Variants in DCDC2C observed in about 807,000 individuals in gnomAD.
DCDC2C encodes doublecortin domain containing 2C.
A neutral mutation model predicts 45.0 loss-of-function variants in DCDC2C; 44 were observed. The observed-to-expected ratio is 0.98, with a 90% confidence interval of 0.77 to 1.26. The LOEUF is 1.26. Ranked by LOEUF, DCDC2C falls within the 50% of genes most tolerant of loss-of-function variation. The probability of loss-of-function intolerance (pLI) is 0.00; values close to 1 mark genes in which losing one functional copy is unlikely to be tolerated. For missense variants in DCDC2C, 447 were observed against 468.9 expected (o/e 0.95, Z 0.43); for synonymous variants, 187 against 178.8 (o/e 1.05, Z -0.37).
At chr2:3,720,735 A>G (rs1019350511) in intron 2 of DCDC2C, among the ~76,000 whole-genome samples, 2 of 152,142 alleles carry the variant, frequency 1.3e-5, no homozygotes, top group African/African-American at 4.8e-5. Context: ...CCAACCTTGC[A>G]TTCCTGGGGC....
At chr2:3,776,125 G>A (rs1670325433) in intron 8 of DCDC2C, among the ~76,000 whole-genome samples, 1 of 152,226 alleles carries the variant, frequency 6.6e-6, no homozygotes, top group African/African-American at 2.4e-5. Flanking sequence ...TTCCCGCTCA[G>A]AACCTCTCAG....
At chr2:3,804,545 T>G (rs1216035634) in intron 10 of DCDC2C, among the ~76,000 whole-genome samples, 1 of 152,224 alleles carries the variant, frequency 6.6e-6, no homozygotes, top group Non-Finnish European at 1.5e-5. Flanking sequence ...TTCTAATTAT[T>G]ACATTATCAT....
At chr2:3,742,775 G>A (rs1028518510) in intron 4 of DCDC2C, among the ~76,000 whole-genome samples, 2 of 152,222 alleles carry the variant, frequency 1.3e-5, no homozygotes, top group Non-Finnish European at 2.9e-5. Context: ...GAGGGAGCAC[G>A]ACACTGTCAT....
Position 3,734,434 on chromosome 2 carries a change from G to A in DCDC2C, c.416+7355G>A, listed in dbSNP as rs1668962928. ...ACAATCATCTGATGTTGGTGACACG[G>A]GTGTCACTAACATCCACTAACTAAC... On this transcript the variant is annotated intron_variant, in intron 3 of 10. Transcript: ENST00000399143. The surrounding 1 kb of genome is among the most constrained non-coding windows in gnomAD (Gnocchi z 4.2). 6.6e-6 allele frequency among the ~76,000 whole-genome samples: 1 copy of A among 152,150 alleles called. No individual in the cohort carries two copies. The highest frequency in any genetic ancestry group is 1.5e-5 in the Non-Finnish European group (1 of 68,022).
At chr2:3,704,224 C>G in intron 1 of DCDC2C, 186 bp downstream of exon 1, 1 of 499,906 alleles carries the variant, frequency 2.0e-6, no homozygotes, top group Non-Finnish European at 3.1e-6. Flanking sequence ...TTCCTGGGGG[C>G]GAAGCCGAGG....
At position 3,847,241 on chromosome 2, in the gene DCDC2C, G is replaced by A. The variant is rs918820504; in HGVS notation, c.*58G>A. ...TTTTCTTCAACCATGGGGCTTCCACGTCACATATGGACATTTTAACAGCAA... is the reference window on the plus strand; with the variant it reads ...TTTTCTTCAACCATGGGGCTTCCACATCACATATGGACATTTTAACAGCAA... On this transcript the variant is annotated 3_prime_UTR_variant, in exon 11 of 11. Transcript: ENST00000399143. The A allele has an allele frequency of 4.1e-5, 46 of 1,122,316 alleles. No individual in the cohort carries two copies. Among genetic ancestry groups the A allele is most frequent in the East Asian group, 6.4e-5 (2 of 31,216 alleles). 69.5% of individuals were successfully genotyped at this position (1,122,316 alleles called of 1,614,324 possible). A position where few individuals can be genotyped will look rare whatever the true frequency, so the allele number is the denominator to read the frequency against.
chr2:3,768,889 T>A (rs1670085892), intron 7 of DCDC2C, among the ~76,000 whole-genome samples: 1 of 152,214 alleles, frequency 6.6e-6, no homozygotes, highest in Non-Finnish European at 1.5e-5. Flanking sequence ...TGCATTTTCT[T>A]AAAATTTATT....
chr2:3,742,289 C>T (rs1270386348), intron 4 of DCDC2C, among the ~76,000 whole-genome samples: 1 of 152,206 alleles, frequency 6.6e-6, no homozygotes, highest in Non-Finnish European at 1.5e-5. Context: ...GTGGAGAATA[C>T]AGCATTGCAA....
intron 9 of DCDC2C, among the ~76,000 whole-genome samples, chr2:3,780,598 C>T (rs1051787765): frequency 1.3e-5 from 2 of 152,162 alleles, no homozygotes; most frequent in Non-Finnish European, 2.9e-5. Flanking sequence ...ACAGCCATAC[C>T]TTGGTTCTCT....
intron 10 of DCDC2C, among the ~76,000 whole-genome samples, chr2:3,802,081 C>T (rs1369502641): frequency 1.3e-5 from 2 of 152,144 alleles, no homozygotes; most frequent in African/African-American, 2.4e-5. Context: ...TTTGTTTTTC[C>T]TGTGTGGAGA....
intron 6 of DCDC2C, 88 bp downstream of exon 6, chr2:3,754,722 C>T: frequency 8.3e-7 from 1 of 1,203,592 alleles, no homozygotes. Flanking sequence ...GGGTGACGGC[C>T]CGAGCTGTAA....
intron 10 of DCDC2C, among the ~76,000 whole-genome samples, chr2:3,802,577 C>G (rs1371350330): frequency 6.6e-6 from 1 of 152,202 alleles, no homozygotes; most frequent in East Asian, 1.9e-4. Flanking sequence ...CTGGCAGGCT[C>G]GGTCTGAGGA....
intron 2 of DCDC2C, 134 bp from the exon 3 acceptor site, chr2:3,726,869 G>C: frequency 1.4e-6 from 1 of 732,282 alleles, no homozygotes; most frequent in Non-Finnish European, 2.3e-6. Context: ...TCCTGGACCC[G>C]CCCCTGGGTG....
chr2:3,811,057 A>G (rs1391951276), intron 10 of DCDC2C, among the ~76,000 whole-genome samples: 2 of 152,334 alleles, frequency 1.3e-5, no homozygotes, highest in East Asian at 1.9e-4. Context: ...TATCTTGGCT[A>G]TGCAGAGTTT....
intron 3 of DCDC2C, among the ~76,000 whole-genome samples, chr2:3,735,381 A>G (rs1432796067): frequency 1.3e-5 from 2 of 151,992 alleles, no homozygotes; most frequent in Non-Finnish European, 2.9e-5. Flanking sequence ...ATCATTTAGC[A>G]TTAGGTGTAT....
chr2:3,712,585 A>G (rs10195909), intron 2 of DCDC2C, among the ~76,000 whole-genome samples: 4,792 of 152,196 alleles, frequency 0.031, 241 homozygotes, highest in African/African-American at 0.11. Context: ...GCAGTGAGCT[A>G]TGATTGCACA....
intron 10 of DCDC2C, among the ~76,000 whole-genome samples, chr2:3,821,594 T>G (rs570633781): frequency 6.6e-6 from 1 of 152,256 alleles, no homozygotes; most frequent in South Asian, 2.1e-4. Flanking sequence ...TGAATGGATG[T>G]TGAATTTTGT....
rs192561869 is a variant in DCDC2C at position 3,813,129 on chromosome 2, T to C, written c.1065+28029T>C. On this transcript the variant is annotated intron_variant, in intron 10 of 10. Transcript: ENST00000399143. ...CTCTGTCTCCCAGGCTGGAGTGCAG[T>C]GGCATGATCTCAGCTCACTGCAACC... Among the ~76,000 whole-genome samples, 404 of 150,122 alleles carry C rather than the reference T, an allele frequency of 2.7e-3. 1 individual carries two copies. The highest frequency in any genetic ancestry group is 4.8e-3 in the Non-Finnish European group (325 of 67,612).
chr2:3,845,768 C>A (rs1415928030), intron 10 of DCDC2C, among the ~76,000 whole-genome samples: 1 of 152,150 alleles, frequency 6.6e-6, no homozygotes, highest in African/African-American at 2.4e-5. Context: ...TTCCAGCTGC[C>A]CTAGTGCCTG....
Sources: allele counts gnomAD v4.1 joint callset (sites outside exome capture counted in the v4.1 genomes callset), GRCh38; gene constraint gnomAD v4.1.1; non-coding constraint Gnocchi (gnomAD v3.1); transcripts MANE v1.5; gene names NCBI Gene and HGNC (gene_info 2026-07-23, HGNC 2026-07-21).